Variants in TRIB2 observed in about 807,000 individuals in gnomAD.
The protein encoded by TRIB2 is tribbles homolog 2.
Under a neutral mutation model 26.8 loss-of-function variants are expected in TRIB2, and 2 were observed. That is an observed-to-expected ratio of 0.07 (90% CI 0.03 to 0.24). The LOEUF (loss-of-function observed/expected upper bound fraction) is 0.24, where lower values mean the gene tolerates loss of function less well. TRIB2 is among the 10% of genes least tolerant of loss of function. The pLI, the probability that TRIB2 is intolerant of heterozygous loss-of-function variation, is 1.00. For missense variants in TRIB2, 306 were observed against 449.0 expected, an observed-to-expected ratio of 0.68 and a Z score of 2.88; for synonymous variants, 189 against 187.3, an observed-to-expected ratio of 1.01 and a Z score of -0.08.
Position 12,740,316 on chromosome 2 carries a change from T to C in TRIB2, c.564-10T>C, listed in dbSNP as rs111840543. The C allele has an allele frequency of 5.0e-6, 8 of 1,610,690 alleles. No individual in the cohort carries two copies. The African/African-American group carries it at 6.7e-5, about 13-fold the overall frequency. ...CCCTCAGGAGCTTATGTTTTCCTCC[T>C]TTCTTGCAGGACTCGGGTCAAGCTG... On this transcript the variant is annotated splice_polypyrimidine_tract_variant and intron_variant, in intron 2 of 2. Transcript: ENST00000155926. This position sits in a 1 kb window ranked among gnomAD's most constrained non-coding sequence, Gnocchi z 5.8.
At chr2:12,731,998 G>A (rs544005479) in intron 2 of TRIB2, among the ~76,000 whole-genome samples, 2 of 152,352 alleles carry the variant, frequency 1.3e-5, no homozygotes, top group African/African-American at 4.8e-5. Flanking sequence ...TCTCAATGCA[G>A]GGAGTGAATG....
At chr2:12,730,087 C>T (rs780467026) in intron 2 of TRIB2, among the ~76,000 whole-genome samples, 11 of 152,134 alleles carry the variant, frequency 7.2e-5, no homozygotes, top group Admixed American at 1.3e-4. Context: ...GCTGGGGACA[C>T]TACAGAGCCC....
At chr2:12,736,507 T>G (rs1434258878) in intron 2 of TRIB2, among the ~76,000 whole-genome samples, 2 of 152,194 alleles carry the variant, frequency 1.3e-5, no homozygotes, top group African/African-American at 4.8e-5. Context: ...GATGCTGTCA[T>G]TTACAAAGCC....
intron 1 of TRIB2, among the ~76,000 whole-genome samples, chr2:12,721,960 A>C (rs1661230271): frequency 6.6e-6 from 1 of 152,216 alleles, no homozygotes; most frequent in African/African-American, 2.4e-5. Context: ...GTCAGCTAAG[A>C]GGGAACAGAG....
intron 2 of TRIB2, among the ~76,000 whole-genome samples, chr2:12,738,010 CACA>C (rs773788965): frequency 9.9e-5 from 15 of 152,170 alleles, no homozygotes; most frequent in Non-Finnish European, 1.8e-4. Flanking sequence ...TTCCCACGAC[CACA>C]ACTATTGTTT....
At chr2:12,726,742 T>G (rs1661347021) in intron 2 of TRIB2, among the ~76,000 whole-genome samples, 1 of 152,232 alleles carries the variant, frequency 6.6e-6, no homozygotes, top group South Asian at 2.1e-4. Context: ...CACACCTCTT[T>G]TGCGCATCAG....
At chr2:12,724,573 C>T in intron 2 of TRIB2, 3 of 1,562,162 alleles carry the variant, frequency 1.9e-6, no homozygotes, top group Non-Finnish European at 2.6e-6. Context: ...TGAGAAGGGG[C>T]AGCTGTTGGA....
rs1048853487 is a variant in TRIB2 at position 12,717,554 on chromosome 2, A to G, written c.-754A>G. The stretch of plus-strand genomic sequence containing the variant: ...CGCAACTCTGTGCCCAGCTTTTGCA[A>G]TCTTTTGTTGGCAGCGCTGACCGCA... On this transcript the variant is annotated 5_prime_UTR_variant, in exon 1 of 3. Coordinates refer to ENST00000155926, the MANE Select transcript of TRIB2 (RefSeq NM_021643.4). This position sits in a 1 kb window ranked among gnomAD's most constrained non-coding sequence, Gnocchi z 4.8. The G allele has an allele frequency of 2.3e-5, 9 of 398,164 alleles. No homozygotes were observed. Among genetic ancestry groups the G allele is most frequent in the African/African-American group, 6.2e-5 (3 of 48,622 alleles). 24.7% of individuals were successfully genotyped at this position (398,164 alleles called of 1,614,324 possible). A position where few individuals can be genotyped will look rare whatever the true frequency, so the allele number is the denominator to read the frequency against.
intron 2 of TRIB2, among the ~76,000 whole-genome samples, chr2:12,733,012 C>T (rs1338117850): frequency 2.0e-5 from 3 of 152,208 alleles, no homozygotes; most frequent in East Asian, 3.9e-4. Context: ...CACCCTGGCC[C>T]ACCCTGTCCT....
In TRIB2 at chr2:12,718,892, C is replaced by G. The variant is rs1553308355; in HGVS notation, c.270+315C>G. On this transcript the variant is annotated intron_variant, in intron 1 of 2. Coordinates refer to ENST00000155926, the MANE Select transcript of TRIB2 (RefSeq NM_021643.4). This position sits in a 1 kb window ranked among gnomAD's most constrained non-coding sequence, Gnocchi z 4.0. ...CTGCGCGAGGCCGGGTCCCGCTGCC[C>G]GGGGGGGATTTCTTCCTGTGTCTAG... 1.3e-5 allele frequency among the ~76,000 whole-genome samples: 2 copies of G among 151,826 alleles called. No homozygotes were observed. Among genetic ancestry groups the G allele is most frequent in the Non-Finnish European group, 2.9e-5 (2 of 67,954 alleles).
At chr2:12,728,209 G>A (rs1056689568) in intron 2 of TRIB2, among the ~76,000 whole-genome samples, 1 of 152,206 alleles carries the variant, frequency 6.6e-6, no homozygotes, top group African/African-American at 2.4e-5. Context: ...GGAATTAAAT[G>A]TATTAATACA....
chr2:12,723,148 A>C, intron 1 of TRIB2, 112 bp from the exon 2 acceptor site: 1 of 1,240,404 alleles, frequency 8.1e-7, no homozygotes, highest in Non-Finnish European at 1.1e-6. Flanking sequence ...GTCCAAGTTC[A>C]GCATATTTTC....
At chr2:12,720,456 T>C (rs1661183475) in intron 1 of TRIB2, among the ~76,000 whole-genome samples, 1 of 152,232 alleles carries the variant, frequency 6.6e-6, no homozygotes, top group South Asian at 2.1e-4. Flanking sequence ...ATGATGTGGG[T>C]GACTTCTTAT....
intron 1 of TRIB2, 146 bp from the exon 2 acceptor site, chr2:12,723,114 G>A: frequency 1.2e-6 from 1 of 807,466 alleles, no homozygotes; most frequent in Non-Finnish European, 1.9e-6. Flanking sequence ...ACAGCTGGTA[G>A]GAGGCAGGGC....
rs1273466458 is a variant in TRIB2 at position 12,717,956 on chromosome 2, C to T, written c.-352C>T. ...GGTCGCGTCGGGAGCCCTGGCGCTG[C>T]AGCTCCGCACCTTAGCAGCCCGGGT... On this transcript the variant is annotated 5_prime_UTR_variant, in exon 1 of 3. Coordinates refer to ENST00000155926, the MANE Select transcript of TRIB2 (RefSeq NM_021643.4). This position sits in a 1 kb window ranked among gnomAD's most constrained non-coding sequence, Gnocchi z 4.8. The T allele has an allele frequency of 1.1e-5, 3 of 265,296 alleles. No individual in the cohort carries two copies. The highest frequency in any genetic ancestry group is 2.1e-5 in the Non-Finnish European group (3 of 140,784). 16.4% of individuals were successfully genotyped at this position (265,296 alleles called of 1,614,324 possible).
In TRIB2 at chr2:12,718,482, T is replaced by A. The variant is rs758995072; in HGVS notation, c.175T>A (p.Ser59Thr). The A allele has an allele frequency of 1.2e-6, 2 of 1,614,130 alleles. No homozygotes were observed. The highest frequency in any genetic ancestry group is 1.7e-6 in the Non-Finnish European group (2 of 1,180,046). ...PETPNLSHCV[S>T]CIGKYLLLEP... Reference sequence around the variant, plus strand: ...GACTCCGAACTTGTCGCATTGCGTTTCTTGTATCGGGAAATACTTATTGTT... The same window carrying A: ...GACTCCGAACTTGTCGCATTGCGTTACTTGTATCGGGAAATACTTATTGTT... Residue 59 changes from serine (S) to threonine (T), a missense_variant, in exon 1 of 3, where the codon TCT (serine) becomes ACT (threonine). This residue lies in a region of TRIB2 where 99 missense variants were observed against 106.5 expected (regional missense o/e 0.93). Coordinates refer to ENST00000155926, the MANE Select transcript of TRIB2 (RefSeq NM_021643.4). The surrounding 1 kb of genome is among the most constrained non-coding windows in gnomAD (Gnocchi z 4.0).
In TRIB2 at chr2:12,742,252, T is replaced by G. The variant is rs558987247; in HGVS notation, c.*1458T>G. ...TTTGTGTTCCCAGTACCTCACTTGT[T>G]CGGATTTGACTGCCTGTATATGTTT... On this transcript the variant is annotated 3_prime_UTR_variant, in exon 3 of 3. Coordinates refer to ENST00000155926, the MANE Select transcript of TRIB2 (RefSeq NM_021643.4). 6.5e-6 allele frequency: 1 copy of G among 152,804 alleles called. No individual in the cohort carries two copies. Among genetic ancestry groups the G allele is most frequent in the Admixed American group, 6.5e-5 (1 of 15,300 alleles). 9.5% of individuals were successfully genotyped at this position (152,804 alleles called of 1,614,324 possible). A position where few individuals can be genotyped will look rare whatever the true frequency, so the allele number is the denominator to read the frequency against.
intron 2 of TRIB2, among the ~76,000 whole-genome samples, chr2:12,736,554 C>T (rs1661576460): frequency 6.6e-6 from 1 of 152,210 alleles, no homozygotes. Context: ...GCCACTAAAC[C>T]CTGGCCAGGT....
intron 2 of TRIB2, among the ~76,000 whole-genome samples, chr2:12,739,073 G>C (rs1429291108): frequency 1.3e-5 from 2 of 152,038 alleles, no homozygotes; most frequent in African/African-American, 4.8e-5. Flanking sequence ...AGGATCTTGG[G>C]CTCATGGTTC....
Sources: allele counts gnomAD v4.1 joint callset (sites outside exome capture counted in the v4.1 genomes callset), GRCh38; gene constraint gnomAD v4.1.1; regional missense constraint gnomAD v4.1.1; non-coding constraint Gnocchi (gnomAD v3.1); transcripts MANE v1.5; gene names NCBI Gene and HGNC (gene_info 2026-07-23, HGNC 2026-07-21).